CSMD3: variants seen among roughly 807,000 people sequenced by gnomAD.
The protein encoded by CSMD3 is CUB and sushi domain-containing protein 3.
CSMD3 carries 177 observed loss-of-function variants against 435.2 expected under a neutral mutation model. The ratio of observed to expected loss-of-function variants is 0.41; its 90% CI spans 0.36 to 0.46. The LOEUF (loss-of-function observed/expected upper bound fraction) is 0.46, where lower values mean the gene tolerates loss of function less well. CSMD3 is among the 20% of genes least tolerant of loss of function. The pLI is 0.34. For missense variants in CSMD3, 4,265 were observed against 4,504.6 expected, an observed-to-expected ratio of 0.95 and a Z score of 1.52; for synonymous variants, 1,656 against 1,520.5, an observed-to-expected ratio of 1.09 and a Z score of -2.07.
intron 5 of CSMD3, among the ~76,000 whole-genome samples, chr8:113,075,929 T>G (rs1331787708): frequency 6.6e-6 from 1 of 151,846 alleles, no homozygotes; most frequent in Non-Finnish European, 1.5e-5. Flanking sequence ...TTATTCCACT[T>G]AGTCAAAGAT....
intron 1 of CSMD3, among the ~76,000 whole-genome samples, chr8:113,413,450 TAA>T (rs942894918): frequency 6.6e-6 from 1 of 152,134 alleles, no homozygotes; most frequent in African/African-American, 2.4e-5. Flanking sequence ...TCAAGGTATT[TAA>T]AATCCATGGT....
intron 4 of CSMD3, among the ~76,000 whole-genome samples, chr8:113,159,247 G>T (rs1313266799): frequency 1.3e-5 from 2 of 151,664 alleles, no homozygotes; most frequent in South Asian, 4.2e-4. Context: ...TGTAAGATAT[G>T]TAGAATATAT....
intron 5 of CSMD3, among the ~76,000 whole-genome samples, chr8:113,084,764 T>A (rs1372787747): frequency 1.3e-5 from 2 of 151,812 alleles, no homozygotes; most frequent in African/African-American, 4.8e-5. Flanking sequence ...TGAAAGCAGA[T>A]ACGTAGATCA....
At chr8:112,686,642 C>T (rs890621310) in intron 14 of CSMD3, among the ~76,000 whole-genome samples, 3 of 151,790 alleles carry the variant, frequency 2.0e-5, no homozygotes, top group South Asian at 2.1e-4. Flanking sequence ...ACGCCCACCA[C>T]GCCCAGCTAA....
chr8:112,720,694 G>A (rs551102566), intron 13 of CSMD3, among the ~76,000 whole-genome samples: 24 of 152,214 alleles, frequency 1.6e-4, no homozygotes, highest in African/African-American at 9.6e-5. Context: ...AACTTCCAAC[G>A]TGCCAAGCAC....
chr8:113,306,643 G>A (rs558486143), intron 2 of CSMD3, among the ~76,000 whole-genome samples: 1 of 152,202 alleles, frequency 6.6e-6, no homozygotes, highest in African/African-American at 2.4e-5. Context: ...GAAGTTCTAT[G>A]GGACATTGAG....
intron 13 of CSMD3, among the ~76,000 whole-genome samples, chr8:112,706,194 T>G (rs2076494967): frequency 1.3e-5 from 2 of 152,154 alleles, no homozygotes; most frequent in African/African-American, 4.8e-5. Flanking sequence ...CTGACCTTTC[T>G]TGTTCACACA....
chr8:113,344,535 C>T (rs2094139894), intron 1 of CSMD3, among the ~76,000 whole-genome samples: 1 of 152,134 alleles, frequency 6.6e-6, no homozygotes, highest in African/African-American at 2.4e-5. Flanking sequence ...CTCAATTCTA[C>T]TATTTTCCCA....
At chr8:112,229,159 A>T (rs1365919614) in intron 69 of CSMD3, among the ~76,000 whole-genome samples, 1 of 152,162 alleles carries the variant, frequency 6.6e-6, no homozygotes, top group African/African-American at 2.4e-5. Context: ...AGACATATGG[A>T]GTATATAATA....
intron 14 of CSMD3, among the ~76,000 whole-genome samples, chr8:112,687,381 C>G (rs1313922626): frequency 6.6e-6 from 1 of 151,924 alleles, no homozygotes; most frequent in Non-Finnish European, 1.5e-5. Context: ...AGTTTATGAT[C>G]TCTTAGTTTA....
chr8:112,437,354 CA>C (rs1814475443), intron 32 of CSMD3, among the ~76,000 whole-genome samples: 1 of 151,970 alleles, frequency 6.6e-6, no homozygotes, highest in African/African-American at 2.4e-5. Context: ...AAGAGTAAAA[CA>C]GTAGTTCAAT....
At chr8:113,378,022 T>A (rs182564814) in intron 1 of CSMD3, among the ~76,000 whole-genome samples, 2 of 152,170 alleles carry the variant, frequency 1.3e-5, no homozygotes, top group African/African-American at 4.8e-5. Context: ...TAAATAAGGC[T>A]GATACAATGA....
intron 63 of CSMD3, among the ~76,000 whole-genome samples, chr8:112,248,547 C>A (rs1814970973): frequency 6.6e-6 from 1 of 152,094 alleles, no homozygotes; most frequent in African/African-American, 2.4e-5. Flanking sequence ...CTTTGTACTT[C>A]TCCAGCAATT....
At chr8:113,399,204 G>A (rs989368360) in intron 1 of CSMD3, among the ~76,000 whole-genome samples, 6 of 149,792 alleles carry the variant, frequency 4.0e-5, no homozygotes, top group Admixed American at 6.7e-5. Context: ...CAAGAATGTG[G>A]AGGGATTATT....
At chr8:113,397,927 T>C (rs1214237083) in intron 1 of CSMD3, among the ~76,000 whole-genome samples, 1 of 152,124 alleles carries the variant, frequency 6.6e-6, no homozygotes, top group African/African-American at 2.4e-5. Flanking sequence ...TTTGCTTGAA[T>C]ATTATGTGGC....
In CSMD3 at chr8:112,284,430, G is replaced by T. The variant is rs151314965; in HGVS notation, c.9331+2634C>A. On this transcript the variant is annotated intron_variant, in intron 58 of 70. Coordinates refer to ENST00000297405, the MANE Select transcript of CSMD3 (RefSeq NM_198123.2). ...AACTCTGTCCTAGTATTATTTTTTT[G>T]TGTATTTCCTTTCATACTTTCACTT... 2.4e-3 allele frequency among the ~76,000 whole-genome samples: 365 copies of T among 151,652 alleles called. 1 individual carries two copies. The highest frequency in any genetic ancestry group is 3.9e-3 in the Non-Finnish European group (261 of 67,720).
chr8:113,326,526 T>G, intron 1 of CSMD3, among the ~76,000 whole-genome samples: 1 of 152,150 alleles, frequency 6.6e-6, no homozygotes, highest in East Asian at 1.9e-4. Context: ...TCAAGGAACA[T>G]ATATTATTTT....
At chr8:112,683,971 A>G (rs2131795608) in intron 15 of CSMD3, among the ~76,000 whole-genome samples, 1 of 151,782 alleles carries the variant, frequency 6.6e-6, no homozygotes, top group African/African-American at 2.4e-5. Flanking sequence ...GTGTAACTCT[A>G]ATATAGAGTA....
At chr8:112,254,646 T>C (rs141710685) in intron 62 of CSMD3, among the ~76,000 whole-genome samples, 119 of 152,194 alleles carry the variant, frequency 7.8e-4, no homozygotes, top group African/African-American at 2.7e-3. Context: ...TACATGCATA[T>C]AACATTTGTC....
Sources: allele counts gnomAD v4.1 joint callset (sites outside exome capture counted in the v4.1 genomes callset), GRCh38; gene constraint gnomAD v4.1.1; transcripts MANE v1.5; gene names NCBI Gene and HGNC (gene_info 2026-07-23, HGNC 2026-07-21).